EDA2R: variants seen among roughly 807,000 people sequenced by gnomAD.
The protein encoded by EDA2R is tumor necrosis factor receptor superfamily member 27.
A neutral mutation model predicts 20.1 loss-of-function variants in EDA2R; 26 were observed. That is an observed-to-expected ratio of 1.30 (90% CI 0.95 to 1.80). The LOEUF (loss-of-function observed/expected upper bound fraction) is 1.80, where lower values mean the gene tolerates loss of function less well. EDA2R is among the 40% of genes most tolerant of loss of function. The pLI, the probability that EDA2R is intolerant of heterozygous loss-of-function variation, is 0.00. For missense variants in EDA2R, 277 were observed against 228.7 expected, an observed-to-expected ratio of 1.21 and a Z score of -1.36; for synonymous variants, 114 against 88.7, an observed-to-expected ratio of 1.29 and a Z score of -1.60.
In EDA2R at chrX:66,616,031, C is replaced by T; in HGVS notation, c.-10-1G>A. 1 of 1,183,491 alleles carries T rather than the reference C, an allele frequency of 8.4e-7. No homozygotes were observed. The highest frequency in any genetic ancestry group is 1.1e-6 in the Non-Finnish European group (1 of 870,849). The stretch of plus-strand genomic sequence containing the variant: ...TTCTTGGCAATCCATGGTGGGAAGG[C>T]TGTGGGTAGAGAACACAAGAACTAG... On this transcript the variant is annotated splice_acceptor_variant, in intron 1 of 6. Coordinates refer to ENST00000374719, the MANE Select transcript of EDA2R (RefSeq NM_021783.5). LOFTEE classifies it low-confidence loss of function (5UTR_SPLICE).
rs1282493604 is a variant in EDA2R, at chrX:66,623,593, C to T, written c.-10-7563G>A. On this transcript the variant is annotated intron_variant, in intron 1 of 6. Transcript: ENST00000374719. ...GCCAATAGAGACCTTAGATGATACG[C>T]CTACCTCAATTTCCCCCATTATTTA... Among the ~76,000 whole-genome samples, 9 of 111,564 alleles carry T rather than the reference C, an allele frequency of 8.1e-5. No homozygotes were observed. In the South Asian group the frequency reaches 1.5e-3, roughly 19 times the overall value.
intron 2 of EDA2R, among the ~76,000 whole-genome samples, chrX:66,611,903 A>G (rs755571898): frequency 9.0e-5 from 10 of 111,516 alleles, no homozygotes; most frequent in Non-Finnish European, 1.3e-4. Context: ...ACTTCTGAAA[A>G]CTAAAAAAAA....
chrX:66,610,272 AACACACACACAC>A (rs10657734), intron 2 of EDA2R, among the ~76,000 whole-genome samples: 28 of 87,450 alleles, frequency 3.2e-4, no homozygotes, highest in African/African-American at 8.0e-4. Context: ...CAGATACACA[AACACACACACAC>A]ACACACACAC....
At chrX:66,608,961 T>C (rs1930212594) in intron 2 of EDA2R, among the ~76,000 whole-genome samples, 2 of 112,176 alleles carry the variant, frequency 1.8e-5, no homozygotes, top group Non-Finnish European at 3.8e-5. Flanking sequence ...ATGTGATTAA[T>C]GCTGCTGAAT....
intron 2 of EDA2R, among the ~76,000 whole-genome samples, chrX:66,607,403 C>A (rs1017341792): frequency 1.8e-5 from 2 of 111,362 alleles, no homozygotes; most frequent in Non-Finnish European, 3.8e-5. Flanking sequence ...GGAAAAACAC[C>A]TAAACAAATG....
At chrX:66,638,012 C>A (rs779409669) in intron 1 of EDA2R, among the ~76,000 whole-genome samples, 1 of 112,334 alleles carries the variant, frequency 8.9e-6, no homozygotes, top group African/African-American at 3.2e-5. Flanking sequence ...TTTCTGATTT[C>A]GTATGGTTCA....
In EDA2R at chrX:66,599,723, C is replaced by CT. The variant is rs1569221121; in HGVS notation, c.654_655insA (p.Glu219ArgfsTer8). 8.3e-7 allele frequency: 1 copy of CT among 1,209,745 alleles called. No individual in the cohort carries two copies. The highest frequency in any genetic ancestry group is 1.7e-5 in the African/African-American group (1 of 57,660). On this transcript the variant is annotated frameshift_variant, in exon 6 of 7. Transcript: ENST00000374719. LOFTEE classifies it high-confidence loss of function. ...CCACTAGTCGAGCTGCAGTCGTCCT[C>CT]GAGGATAGGGTTAAGTGGCTGGGTC...
At chrX:66,635,929 C>T (rs1934276884) in intron 1 of EDA2R, among the ~76,000 whole-genome samples, 2 of 111,123 alleles carry the variant, frequency 1.8e-5, no homozygotes. Flanking sequence ...GAGATAGGGT[C>T]TCACTTTGTT....
In EDA2R at chrX:66,595,713, ATCT is replaced by A. The variant is rs1324149589; in HGVS notation, c.*2388_*2390del. On this transcript the variant is annotated 3_prime_UTR_variant, in exon 7 of 7. Coordinates refer to ENST00000374719, the MANE Select transcript of EDA2R (RefSeq NM_021783.5). Reference sequence around the variant, plus strand: ...CATAAACAAACATAGCCCTGCCAGTATCTACACATGCATATGGCTCAAGAGTTA... The same window carrying A: ...CATAAACAAACATAGCCCTGCCAGTAACACATGCATATGGCTCAAGAGTTA... 2 of 112,379 alleles carry A rather than the reference ATCT, an allele frequency of 1.8e-5. No individual in the cohort carries two copies. The highest frequency in any genetic ancestry group is 3.8e-5 in the Non-Finnish European group (2 of 53,198). 9.3% of individuals were successfully genotyped at this position (112,379 alleles called of 1,213,427 possible).
At chrX:66,625,296 G>T (rs946021513) in intron 1 of EDA2R, among the ~76,000 whole-genome samples, 3 of 111,272 alleles carry the variant, frequency 2.7e-5, no homozygotes, top group Non-Finnish European at 5.7e-5. Flanking sequence ...CTCACCCATT[G>T]CCTGGAAACA....
chrX:66,621,012 C>T (rs1278061043), intron 1 of EDA2R, among the ~76,000 whole-genome samples: 4 of 106,847 alleles, frequency 3.7e-5, no homozygotes, highest in African/African-American at 1.4e-4. Context: ...CACGGTGGCT[C>T]ACGCCTGTAA....
At chrX:66,605,002 C>T (rs760667929) in intron 3 of EDA2R, 46 bp downstream of exon 3, 29 of 1,106,692 alleles carry the variant, frequency 2.6e-5, no homozygotes, top group Non-Finnish European at 3.5e-5. Flanking sequence ...AAACCTCCAA[C>T]AGCTAGAAAA....
At chrX:66,629,901 G>A (rs1283891738) in intron 1 of EDA2R, among the ~76,000 whole-genome samples, 3 of 110,912 alleles carry the variant, frequency 2.7e-5, no homozygotes, top group Non-Finnish European at 5.7e-5. Flanking sequence ...TATGCAAAAA[G>A]AACAAATCTG....
intron 2 of EDA2R, among the ~76,000 whole-genome samples, chrX:66,606,754 C>A (rs955514539): frequency 8.9e-6 from 1 of 112,311 alleles, no homozygotes; most frequent in Non-Finnish European, 1.9e-5. Flanking sequence ...GTAGCCTCAG[C>A]CTGTATTCCT....
At chrX:66,605,316 T>C in intron 2 of EDA2R, 90 bp from the exon 3 acceptor site, 1 of 864,003 alleles carries the variant, frequency 1.2e-6, no homozygotes, top group Non-Finnish European at 1.5e-6. Flanking sequence ...AGGGTAGTAT[T>C]TTGCAACTTG....
At chrX:66,615,275 A>T (rs757430491) in intron 2 of EDA2R, among the ~76,000 whole-genome samples, 1 of 111,961 alleles carries the variant, frequency 8.9e-6, no homozygotes, top group South Asian at 3.7e-4. Flanking sequence ...CATAAAATAG[A>T]GTGTGAATAT....
intron 1 of EDA2R, among the ~76,000 whole-genome samples, chrX:66,624,564 G>T (rs2147934429): frequency 8.9e-6 from 1 of 111,911 alleles, no homozygotes; most frequent in South Asian, 3.8e-4. Flanking sequence ...ATCACATGAT[G>T]AGGAAGGAAC....
chrX:66,633,386 C>A (rs922893870), intron 1 of EDA2R, among the ~76,000 whole-genome samples: 1 of 111,860 alleles, frequency 8.9e-6, no homozygotes, highest in Non-Finnish European at 1.9e-5. Context: ...TTAAGAACAG[C>A]AAACTCTAGG....
Position 66,599,541 on chromosome X carries a change from G to A in EDA2R, c.837C>T (p.Val279=), listed in dbSNP as rs778647646. 8.4e-5 allele frequency: 100 copies of A among 1,183,942 alleles called. No homozygotes were observed. Among genetic ancestry groups the A allele is most frequent in the Non-Finnish European group, 1.1e-4 (96 of 880,929 alleles). The change falls in exon 6 of 7, where the codon GTC becomes GTT. Residue 279 remains valine (V), a synonymous_variant. Transcript: ENST00000374719. The stretch of plus-strand genomic sequence containing the variant: ...GCTCCAGCCTGTCTCCAGTGCTTTC[G>A]ACTGTGTTTCCCCCCAAGGTCTCAG... The part of the protein sequence containing the change: ...TGAETLGGNT[V]ESTGDRLELN...
Sources: gnomAD v4.1 joint callset for allele counts (sites outside exome capture counted in the v4.1 genomes callset) on GRCh38, gnomAD v4.1.1 for gene constraint, MANE v1.5 for transcripts, NCBI Gene and HGNC (gene_info 2026-07-23, HGNC 2026-07-21) for gene names.